SORCS3: variants seen among roughly 807,000 people sequenced by gnomAD.
SORCS3 encodes sortilin related VPS10 domain containing receptor 3.
A neutral mutation model predicts 146.3 loss-of-function variants in SORCS3; 57 were observed. The observed-to-expected ratio is 0.39, with a 90% confidence interval of 0.31 to 0.49. The LOEUF (loss-of-function observed/expected upper bound fraction) is 0.49. Ranked by LOEUF, SORCS3 falls within the 20% of genes least tolerant of loss-of-function variation. The pLI is 0.92. For missense variants in SORCS3, 1,341 were observed against 1,575.5 expected, an observed-to-expected ratio of 0.85 and a Z score of 2.52; for synonymous variants, 653 against 618.5, an observed-to-expected ratio of 1.06 and a Z score of -0.83.
rs534989325 is a variant in SORCS3 at position 105,182,120 on chromosome 10, G to C, written c.2009+3947G>C. On this transcript the variant is annotated intron_variant, in intron 14 of 26. Coordinates refer to ENST00000369701, the MANE Select transcript of SORCS3 (RefSeq NM_014978.3). ...GGAGAAGTACAGCTTCTCTGAAAGA[G>C]ATCAGACACTTCTTACCATGAGTGA... 2.6e-5 allele frequency among the ~76,000 whole-genome samples: 4 copies of C among 151,642 alleles called. No individual in the cohort carries two copies. The East Asian group carries it at 7.8e-4, about 30-fold the overall frequency.
At chr10:104,943,398 T>C (rs1364515794) in intron 3 of SORCS3, among the ~76,000 whole-genome samples, 1 of 152,198 alleles carries the variant, frequency 6.6e-6, no homozygotes, top group Admixed American at 6.5e-5. Context: ...AGTGCTATGA[T>C]TACAGGCATA....
intron 3 of SORCS3, among the ~76,000 whole-genome samples, chr10:104,968,559 T>G (rs2054840611): frequency 6.6e-6 from 1 of 152,198 alleles, no homozygotes; most frequent in South Asian, 2.1e-4. Context: ...GTATACCCAC[T>G]GCAGTTCTCA....
chr10:105,032,964 C>T lies in SORCS3; in HGVS notation c.955-10091C>T, dbSNP rs1256226907. On this transcript the variant is annotated intron_variant, in intron 4 of 26. Coordinates refer to ENST00000369701, the MANE Select transcript of SORCS3 (RefSeq NM_014978.3). ...ATCAGTTTTTGTTCAAAGGGTATGG[C>T]TTAATATGAGATATTTATGAATTGC... Among the ~76,000 whole-genome samples the T allele has an allele frequency of 2.0e-5, 3 of 152,034 alleles. No homozygotes were observed. The South Asian group carries it at 6.2e-4, about 32-fold the overall frequency.
chr10:104,649,575 CA>C (rs1479475020), intron 1 of SORCS3, among the ~76,000 whole-genome samples: 2 of 152,188 alleles, frequency 1.3e-5, no homozygotes, highest in African/African-American at 2.4e-5. Context: ...GGCTAGAACC[CA>C]GTTCTCATCA....
chr10:105,121,974 A>AGCT (rs1434732504), intron 7 of SORCS3, among the ~76,000 whole-genome samples: 1 of 152,014 alleles, frequency 6.6e-6, no homozygotes, highest in Non-Finnish European at 1.5e-5. Flanking sequence ...GACTCAGAGG[A>AGCT]GCTGTTGAGT....
chr10:104,730,738 C>T (rs1337820063), intron 1 of SORCS3, among the ~76,000 whole-genome samples: 2 of 152,184 alleles, frequency 1.3e-5, no homozygotes, highest in African/African-American at 2.4e-5. Flanking sequence ...TAGAAGGCAC[C>T]TCTTCACAGG....
chr10:104,789,752 T>C (rs1231832228), intron 1 of SORCS3, among the ~76,000 whole-genome samples: 1 of 152,222 alleles, frequency 6.6e-6, no homozygotes, highest in African/African-American at 2.4e-5. Flanking sequence ...TTTGAAAGTG[T>C]AGCTGTATGT....
At chr10:104,983,080 A>T (rs998836642) in intron 4 of SORCS3, among the ~76,000 whole-genome samples, 1 of 151,822 alleles carries the variant, frequency 6.6e-6, no homozygotes, top group Non-Finnish European at 1.5e-5. Flanking sequence ...GTTCACTGCA[A>T]CCTCCATCTC....
intron 1 of SORCS3, among the ~76,000 whole-genome samples, chr10:104,744,863 A>G (rs1196860626): frequency 1.3e-5 from 2 of 152,194 alleles, no homozygotes; most frequent in Non-Finnish European, 2.9e-5. Flanking sequence ...CTAAGATATG[A>G]GTGGTGTATT....
chr10:104,855,079 G>A (rs1318384196), intron 2 of SORCS3, among the ~76,000 whole-genome samples: 1 of 152,138 alleles, frequency 6.6e-6, no homozygotes, highest in East Asian at 1.9e-4. Context: ...ATACATATGA[G>A]TGCAGTTTAT....
At chr10:104,726,633 T>C (rs1402098564) in intron 1 of SORCS3, among the ~76,000 whole-genome samples, 13 of 151,920 alleles carry the variant, frequency 8.6e-5, no homozygotes. Flanking sequence ...CCCCATCTAG[T>C]TTGCTCAATT....
chr10:105,088,495 C>A (rs138439233), intron 5 of SORCS3, among the ~76,000 whole-genome samples: 11,962 of 133,590 alleles, frequency 0.09, 606 homozygotes, highest in Middle Eastern at 0.14. Context: ...TTTAGTTTTT[C>A]TAAAACATAC....
chr10:105,007,566 G>A (rs2055104339), intron 4 of SORCS3, among the ~76,000 whole-genome samples: 1 of 152,132 alleles, frequency 6.6e-6, no homozygotes, highest in Non-Finnish European at 1.5e-5. Flanking sequence ...AGGGAAGAAA[G>A]TGAGTGAAAC....
At chr10:104,746,216 A>C (rs947304473) in intron 1 of SORCS3, among the ~76,000 whole-genome samples, 4 of 151,028 alleles carry the variant, frequency 2.6e-5, no homozygotes, top group Admixed American at 6.6e-5. Flanking sequence ...GGCTCACTGC[A>C]AGCTCCGCCT....
intron 1 of SORCS3, among the ~76,000 whole-genome samples, chr10:104,797,100 G>T (rs993487212): frequency 2.6e-5 from 4 of 152,154 alleles, no homozygotes; most frequent in African/African-American, 9.7e-5. Context: ...GGATTCTCAA[G>T]AATCATTCTG....
chr10:104,930,661 A>C (rs576168395), intron 3 of SORCS3, among the ~76,000 whole-genome samples: 11 of 152,196 alleles, frequency 7.2e-5, no homozygotes, highest in Non-Finnish European at 1.5e-4. Flanking sequence ...ATCAGTGCCA[A>C]GCACTGGCAT....
intron 1 of SORCS3, among the ~76,000 whole-genome samples, chr10:104,681,148 A>G (rs1010045596): frequency 2.6e-5 from 4 of 152,222 alleles, no homozygotes; most frequent in South Asian, 2.1e-4. Context: ...ATTTATTTGC[A>G]GCGCAGGCAT....
At chr10:105,234,502 C>T (rs1026394066) in intron 20 of SORCS3, among the ~76,000 whole-genome samples, 2 of 149,778 alleles carry the variant, frequency 1.3e-5, no homozygotes, top group Admixed American at 6.6e-5. Context: ...ACATTACATG[C>T]ATTTATACCA....
intron 2 of SORCS3, among the ~76,000 whole-genome samples, chr10:104,861,511 T>G (rs1015566072): frequency 6.6e-6 from 1 of 152,190 alleles, no homozygotes; most frequent in African/African-American, 2.4e-5. Flanking sequence ...CTCTGCCTTT[T>G]GCCCTAATCC....
Sources: allele counts gnomAD v4.1 joint callset (sites outside exome capture counted in the v4.1 genomes callset), GRCh38; gene constraint gnomAD v4.1.1; transcripts MANE v1.5; gene names NCBI Gene and HGNC (gene_info 2026-07-23, HGNC 2026-07-21).